The following PTH2R variants were observed in gnomAD, a reference collection of about 807,000 sequenced individuals.
PTH2R encodes PTH2 receptor.
A neutral mutation model predicts 60.3 loss-of-function variants in PTH2R; 59 were observed. The observed-to-expected ratio is 0.98, with a 90% CI of 0.79 to 1.22. PTH2R has a LOEUF of 1.22. PTH2R is among the 50% of genes most tolerant of loss of function. The pLI is 0.00. For missense variants in PTH2R, 749 were observed against 682.6 expected (o/e 1.10, Z -1.08); for synonymous variants, 256 against 243.8 (o/e 1.05, Z -0.47).
intron 1 of PTH2R, among the ~76,000 whole-genome samples, chr2:208,378,808 C>T (rs1559202832): frequency 6.6e-6 from 1 of 152,100 alleles, no homozygotes; most frequent in African/African-American, 2.4e-5. Context: ...TGGACTCAGG[C>T]GGTAGGCAAG....
upstream of PTH2R, among the ~76,000 whole-genome samples, chr2:208,402,954 G>A (rs900307073): frequency 4.6e-5 from 7 of 152,150 alleles, no homozygotes; most frequent in South Asian, 4.1e-4. Flanking sequence ...ACTGGCTGCC[G>A]TGTGTCCTTC....
chr2:208,479,681 T>C (rs1217813205), intron 9 of PTH2R, among the ~76,000 whole-genome samples: 1 of 152,152 alleles, frequency 6.6e-6, no homozygotes, highest in Admixed American at 6.5e-5. Flanking sequence ...TCCTCAACTC[T>C]CATGTTTTGC....
intron 9 of PTH2R, among the ~76,000 whole-genome samples, chr2:208,468,302 A>T (rs926483427): frequency 1.3e-5 from 2 of 152,228 alleles, no homozygotes; most frequent in Admixed American, 1.3e-4. Flanking sequence ...TTCTTACAAT[A>T]TACTGAGCAG....
rs755930954 is a variant in PTH2R, at chr2:208,493,527, C to A, written c.1521C>A (p.His507Gln). The change falls in exon 13 of 13, where the codon CAC becomes CAA. Residue 507 changes from histidine (H) to glutamine (Q), a missense_variant. Coordinates refer to ENST00000272847, the MANE Select transcript of PTH2R (RefSeq NM_005048.4). ...ACTCAGAGCAGGACTGCCTGCCACA[C>A]TCTTTCCACGAGGAGACCAAGGAAG... ...WSNSEQDCLPHSFHEETKEDS... is the reference protein window; with the variant it reads ...WSNSEQDCLPQSFHEETKEDS... The A allele has an allele frequency of 2.5e-6, 4 of 1,613,890 alleles. No individual in the cohort carries two copies. Among genetic ancestry groups the A allele is most frequent in the Non-Finnish European group, 2.5e-6 (3 of 1,179,914 alleles).
chr2:208,371,862 G>A (rs913153576), intron 1 of PTH2R, among the ~76,000 whole-genome samples: 1 of 151,948 alleles, frequency 6.6e-6, no homozygotes, highest in Non-Finnish European at 1.5e-5. Context: ...TTCCTTACTT[G>A]TTTCCTTTTT....
At chr2:208,366,491 G>A (rs952751951) in intron 1 of PTH2R, among the ~76,000 whole-genome samples, 5 of 152,092 alleles carry the variant, frequency 3.3e-5, no homozygotes, top group African/African-American at 4.8e-5. Flanking sequence ...TGCTAGTAAA[G>A]AAAGAAGGGA....
In PTH2R at chr2:208,375,093, T is replaced by A. The variant is rs989262337; in HGVS notation, c.-259+14856T>A. Among the ~76,000 whole-genome samples the A allele has an allele frequency of 3.9e-5, 6 of 152,284 alleles. No individual in the cohort carries two copies. In the East Asian group the frequency reaches 1.2e-3, roughly 29 times the overall value. ...AATTAGTTGATTTATTTGAAGGATA[T>A]TTAAGTGAATTTAGAGATGAGATTT... On this transcript the variant is annotated intron_variant, in intron 1 of 12. Transcript: ENST00000617735.
At chr2:208,428,960 C>T (rs563698608) in intron 2 of PTH2R, among the ~76,000 whole-genome samples, 4 of 152,174 alleles carry the variant, frequency 2.6e-5, no homozygotes, top group Admixed American at 2.6e-4. Context: ...TGGCGCATGC[C>T]TGTAATCCCA....
intron 1 of PTH2R, among the ~76,000 whole-genome samples, chr2:208,412,080 T>G (rs1701551030): frequency 6.6e-6 from 1 of 152,234 alleles, no homozygotes; most frequent in South Asian, 2.1e-4. Context: ...CTTTTATTTC[T>G]TACGGCTTCT....
rs1454232659 is a variant in PTH2R, at chr2:208,431,884, A to G, written c.178+3581A>G. On this transcript the variant is annotated intron_variant, in intron 2 of 12. Coordinates refer to ENST00000272847, the MANE Select transcript of PTH2R (RefSeq NM_005048.4). ...GCTGCTCCTATATTTCTGGCCTACAATTTATTCCTTTACTTTACAGCCAGC... is the reference window on the plus strand; with the variant it reads ...GCTGCTCCTATATTTCTGGCCTACAGTTTATTCCTTTACTTTACAGCCAGC... 3.3e-5 allele frequency among the ~76,000 whole-genome samples: 5 copies of G among 152,208 alleles called. No homozygotes were observed. The South Asian group carries it at 8.3e-4, about 25-fold the overall frequency.
intron 8 of PTH2R, among the ~76,000 whole-genome samples, chr2:208,452,410 A>C (rs1193422824): frequency 6.6e-6 from 1 of 152,226 alleles, no homozygotes; most frequent in Non-Finnish European, 1.5e-5. Context: ...GTAATGTCTA[A>C]AGAATTAAAA....
upstream of PTH2R, among the ~76,000 whole-genome samples, chr2:208,404,983 TA>T (rs1266222304): frequency 3.3e-5 from 5 of 152,234 alleles, no homozygotes; most frequent in Admixed American, 6.5e-5. Context: ...ATGCTCTATT[TA>T]ATTGATTGCA....
chr2:208,446,189 C>G (rs1311416484), intron 7 of PTH2R, among the ~76,000 whole-genome samples: 1 of 152,044 alleles, frequency 6.6e-6, no homozygotes, highest in African/African-American at 2.4e-5. Context: ...TTTATTTATG[C>G]CTTGATAGCT....
At chr2:208,469,160 C>T (rs1172834640) in intron 9 of PTH2R, among the ~76,000 whole-genome samples, 2 of 152,140 alleles carry the variant, frequency 1.3e-5, no homozygotes, top group African/African-American at 4.8e-5. Flanking sequence ...CAAACTGTGT[C>T]TTGAATTTAT....
At chr2:208,480,011 C>T (rs530938544) in intron 9 of PTH2R, among the ~76,000 whole-genome samples, 1 of 152,274 alleles carries the variant, frequency 6.6e-6, no homozygotes, top group Non-Finnish European at 1.5e-5. Context: ...AAGACCTAGC[C>T]CTCAGTTCTT....
In PTH2R at chr2:208,412,105, A is replaced by AT. The variant is rs749148202; in HGVS notation, c.75+4993dup. On this transcript the variant is annotated intron_variant, in intron 1 of 12. Coordinates refer to ENST00000272847, the MANE Select transcript of PTH2R (RefSeq NM_005048.4). ...TTACGGCTTCTTCTTCAGAACCCACATTTTTTCTGATAGCAATTGGACATT... is the reference window on the plus strand; with the variant it reads ...TTACGGCTTCTTCTTCAGAACCCACATTTTTTTCTGATAGCAATTGGACATT... Among the ~76,000 whole-genome samples the AT allele has an allele frequency of 2.0e-5, 3 of 152,180 alleles. No homozygotes were observed. In the South Asian group the frequency reaches 6.2e-4, roughly 32 times the overall value.
At chr2:208,476,050 A>T (rs1702995678) in intron 9 of PTH2R, among the ~76,000 whole-genome samples, 2 of 152,082 alleles carry the variant, frequency 1.3e-5, no homozygotes, top group South Asian at 2.1e-4. Context: ...TATCTTAGGG[A>T]GCTCTGGCAG....
intron 7 of PTH2R, among the ~76,000 whole-genome samples, chr2:208,449,454 A>ATAGATAGATAGATAG (rs371109380): frequency 0.014 from 2,075 of 150,404 alleles, 18 homozygotes; most frequent in East Asian, 0.021. Context: ...TAGATAGATA[A>ATAGATAGATAGATAG]ATAGATAGAT....
chr2:208,432,125 G>A (rs975800011), intron 2 of PTH2R, among the ~76,000 whole-genome samples: 10 of 152,218 alleles, frequency 6.6e-5, no homozygotes, highest in Non-Finnish European at 5.9e-5. Flanking sequence ...ATTATTATCT[G>A]TGATGGCTGA....
Sources: gnomAD v4.1 joint callset for allele counts (sites outside exome capture counted in the v4.1 genomes callset) on GRCh38, gnomAD v4.1.1 for gene constraint, MANE v1.5 for transcripts, NCBI Gene and HGNC (gene_info 2026-07-23, HGNC 2026-07-21) for gene names.